The following AK5 variants were observed in gnomAD, a reference collection of about 807,000 sequenced individuals.
AK5 encodes the protein adenylate kinase 5.
Under a neutral mutation model 69.5 loss-of-function variants are expected in AK5, and 27 were observed. That is an observed-to-expected ratio of 0.39 (90% CI 0.29 to 0.54). The LOEUF (loss-of-function observed/expected upper bound fraction) is 0.54. Ranked by LOEUF, AK5 falls within the 20% of genes least tolerant of loss-of-function variation. The pLI is 0.71. For missense variants in AK5, 531 were observed against 700.4 expected, an observed-to-expected ratio of 0.76 and a Z score of 2.73; for synonymous variants, 260 against 244.4, an observed-to-expected ratio of 1.06 and a Z score of -0.60.
At chr1:77,362,190 T>G (rs1646877031) in intron 6 of AK5, among the ~76,000 whole-genome samples, 1 of 152,228 alleles carries the variant, frequency 6.6e-6, no homozygotes, top group Non-Finnish European at 1.5e-5. Context: ...ATAGTTTACT[T>G]AAAATGTTTG....
chr1:77,443,484 A>G (rs1652457043), intron 8 of AK5, among the ~76,000 whole-genome samples: 1 of 152,188 alleles, frequency 6.6e-6, no homozygotes, highest in African/African-American at 2.4e-5. Context: ...AATCTATGTA[A>G]AAGCACCTAG....
chr1:77,420,892 A>G (rs1650767214), intron 8 of AK5, among the ~76,000 whole-genome samples: 1 of 152,172 alleles, frequency 6.6e-6, no homozygotes, highest in African/African-American at 2.4e-5. Flanking sequence ...CCCGTATGTT[A>G]TCTGTTGCAA....
At chr1:77,428,420 A>G (rs1420218946) in intron 8 of AK5, among the ~76,000 whole-genome samples, 2 of 152,194 alleles carry the variant, frequency 1.3e-5, no homozygotes, top group Non-Finnish European at 2.9e-5. Flanking sequence ...ATGCCCCATC[A>G]ATAAAAGTAC....
chr1:77,522,898 A>G (rs1331703661), intron 12 of AK5, among the ~76,000 whole-genome samples: 1 of 152,110 alleles, frequency 6.6e-6, no homozygotes, highest in Non-Finnish European at 1.5e-5. Context: ...TTTTTTTTTA[A>G]TAACCTTTTT....
intron 7 of AK5, among the ~76,000 whole-genome samples, chr1:77,413,347 G>A (rs756946481): frequency 6.6e-5 from 10 of 152,020 alleles, no homozygotes; most frequent in Non-Finnish European, 1.0e-4. Context: ...TCTACTTTGC[G>A]CCTCAGAGTA....
intron 10 of AK5, among the ~76,000 whole-genome samples, chr1:77,505,098 CCAT>C (rs2100273202): frequency 6.6e-6 from 1 of 152,210 alleles, no homozygotes; most frequent in East Asian, 1.9e-4. Context: ...TTTTATGTTC[CCAT>C]CACAATGTGT....
intron 10 of AK5, among the ~76,000 whole-genome samples, chr1:77,490,721 T>G (rs1334522841): frequency 6.6e-6 from 1 of 151,868 alleles, no homozygotes; most frequent in Non-Finnish European, 1.5e-5. Context: ...CCTCATTATG[T>G]CCCACTAACA....
At position 77,486,558 on chromosome 1, in the gene AK5, C is replaced by T. The variant is rs542178921; in HGVS notation, c.1147+206C>T. Among the ~76,000 whole-genome samples, 87 of 151,962 alleles carry T rather than the reference C, an allele frequency of 5.7e-4. 1 individual carries two copies. The South Asian group carries it at 0.018, about 32-fold the overall frequency. On this transcript the variant is annotated intron_variant, in intron 10 of 13. Coordinates refer to ENST00000354567, the MANE Select transcript of AK5 (RefSeq NM_174858.3). ...AAAATACAAAAAAAAATTAGCCGGG[C>T]ATGGTGGCGGGCGCCTGTAGTCCCA...
intron 1 of AK5, among the ~76,000 whole-genome samples, chr1:77,286,696 A>T (rs1329201057): frequency 1.3e-5 from 2 of 151,852 alleles, no homozygotes; most frequent in East Asian, 3.9e-4. Flanking sequence ...AAAATACAAA[A>T]AGTAGCTGGG....
rs1029758256 is a variant in AK5, at chr1:77,505,720, T to TAA, written c.1148-12832_1148-12831dup. Among the ~76,000 whole-genome samples the TAA allele has an allele frequency of 1.3e-3, 169 of 131,272 alleles. 1 individual carries two copies. Among genetic ancestry groups the TAA allele is most frequent in the Non-Finnish European group, 2.2e-3 (135 of 60,588 alleles). 86.1% of individuals were successfully genotyped at this position (131,272 alleles called of 152,430 possible). A position where few individuals can be genotyped will look rare whatever the true frequency, so the allele number is the denominator to read the frequency against. ...TGTCTCTACTAAAAATAAAATAAAG[T>TAA]AAAAAAAAAAAAACAAAAATTAGCT... On this transcript the variant is annotated intron_variant, in intron 10 of 13. Transcript: ENST00000354567.
At chr1:77,557,026 C>T (rs1224648039) in intron 13 of AK5, among the ~76,000 whole-genome samples, 1 of 151,790 alleles carries the variant, frequency 6.6e-6, no homozygotes, top group Non-Finnish European at 1.5e-5. Flanking sequence ...AAGCTCCCTC[C>T]TTGTGGCTTG....
At chr1:77,283,596 A>C (rs1417633287) in intron 1 of AK5, 9 of 985,290 alleles carry the variant, frequency 9.1e-6, no homozygotes, top group Non-Finnish European at 1.1e-5. Context: ...AGGTCATCTG[A>C]AGTCAAGATT....
intron 10 of AK5, among the ~76,000 whole-genome samples, chr1:77,513,782 CCTTAT>C (rs1557646843): frequency 6.6e-6 from 1 of 152,134 alleles, no homozygotes; most frequent in African/African-American, 2.4e-5. Context: ...GGAGGCTGGT[CCTTAT>C]CTTAAGGAGT....
At chr1:77,399,364 C>G (rs1649042383) in intron 6 of AK5, among the ~76,000 whole-genome samples, 1 of 152,178 alleles carries the variant, frequency 6.6e-6, no homozygotes, top group Non-Finnish European at 1.5e-5. Context: ...CCTTTTCTCT[C>G]AACCACAACC....
At position 77,521,936 on chromosome 1, in the gene AK5, G is replaced by A. The variant is rs779113748; in HGVS notation, c.1421G>A (p.Gly474Glu). Residue 474 changes from glycine to glutamate, a missense_variant, in exon 12 of 14, where the codon GGA (glycine) becomes GAA (glutamate). Transcript: ENST00000354567. ...PREVKQGEEF[G>E]RRIGDPQLVI... ...GAGGTGAAGCAAGGGGAAGAGTTCG[G>A]ACGCAGGGTGAGTGGTTGTTACGGG... The A allele has an allele frequency of 3.7e-6, 6 of 1,606,486 alleles. No individual in the cohort carries two copies. The highest frequency in any genetic ancestry group is 5.1e-6 in the Non-Finnish European group (6 of 1,176,592).
intron 6 of AK5, among the ~76,000 whole-genome samples, chr1:77,371,731 C>CCCAA (rs1055631537): frequency 1.3e-5 from 2 of 152,128 alleles, no homozygotes; most frequent in African/African-American, 4.8e-5. Context: ...AGATAAGGAG[C>CCCAA]TTGGCATTTA....
At chr1:77,470,737 C>CA (rs761902956) in intron 8 of AK5, among the ~76,000 whole-genome samples, 160 of 148,496 alleles carry the variant, frequency 1.1e-3, no homozygotes, top group Non-Finnish European at 2.1e-3. Context: ...AATTTATAGG[C>CA]AAAAAACACC....
intron 13 of AK5, among the ~76,000 whole-genome samples, chr1:77,547,912 A>G (rs1475663537): frequency 6.6e-6 from 1 of 152,194 alleles, no homozygotes; most frequent in African/African-American, 2.4e-5. Flanking sequence ...GCATAGTTCT[A>G]GACTACCCAA....
intron 5 of AK5, among the ~76,000 whole-genome samples, chr1:77,315,536 C>T (rs931946351): frequency 1.3e-5 from 2 of 152,046 alleles, no homozygotes; most frequent in Admixed American, 1.3e-4. Context: ...TTGGTTAAAA[C>T]TTTATGAAAT....
Sources: allele counts gnomAD v4.1 joint callset (sites outside exome capture counted in the v4.1 genomes callset), GRCh38; gene constraint gnomAD v4.1.1; transcripts MANE v1.5; gene names NCBI Gene and HGNC (gene_info 2026-07-23, HGNC 2026-07-21).